NRG3: variants seen among roughly 807,000 people sequenced by gnomAD.
NRG3 encodes the protein neuregulin 3.
In NRG3, 31 loss-of-function variants were observed where a neutral mutation model predicts 66.9. That is an observed-to-expected ratio of 0.46 (90% CI 0.35 to 0.63). The LOEUF (loss-of-function observed/expected upper bound fraction) is 0.63, where lower values mean the gene tolerates loss of function less well. Among genes scored for constraint, NRG3 ranks in the 20% least tolerant of loss-of-function variants. The pLI is 0.00. For missense variants in NRG3, 910 were observed against 878.9 expected, an observed-to-expected ratio of 1.04 and a Z score of -0.45; for synonymous variants, 393 against 359.4, an observed-to-expected ratio of 1.09 and a Z score of -1.06.
chr10:82,551,617 T>TA (rs397688330), intron 2 of NRG3, among the ~76,000 whole-genome samples: 7 of 151,536 alleles, frequency 4.6e-5, no homozygotes, highest in African/African-American at 1.5e-4. Flanking sequence ...TTTTTTTTTT[T>TA]AAATCAGATA....
intron 2 of NRG3, among the ~76,000 whole-genome samples, chr10:82,591,948 A>C (rs1169654007): frequency 6.6e-6 from 1 of 152,212 alleles, no homozygotes; most frequent in Non-Finnish European, 1.5e-5. Context: ...AGAGAACTCT[A>C]GTTTTTCTCC....
chr10:82,524,512 A>T lies in NRG3; in HGVS notation c.953+165644A>T, dbSNP rs566239301. On this transcript the variant is annotated intron_variant, in intron 2 of 8. Transcript: ENST00000372141. The stretch of plus-strand genomic sequence containing the variant: ...AGTAACTGCAAAATATTAAGTATCT[A>T]TAAAAAGGCCTAGGCATTGTATTAG... 2.0e-5 allele frequency among the ~76,000 whole-genome samples: 3 copies of T among 152,076 alleles called. No individual in the cohort carries two copies. The East Asian group carries it at 5.8e-4, about 29-fold the overall frequency.
chr10:81,947,473 A>G (rs559924400), intron 1 of NRG3, among the ~76,000 whole-genome samples: 1 of 152,262 alleles, frequency 6.6e-6, no homozygotes, highest in African/African-American at 2.4e-5. Flanking sequence ...ATTTTCATGT[A>G]TGGCTGTTCT....
At chr10:82,516,032 T>C (rs1377746869) in intron 2 of NRG3, among the ~76,000 whole-genome samples, 1 of 152,194 alleles carries the variant, frequency 6.6e-6, no homozygotes, top group African/African-American at 2.4e-5. Flanking sequence ...CCATGCAGGT[T>C]GGTCAATAAG....
At chr10:82,876,434 C>G (rs1253872774) in intron 4 of NRG3, among the ~76,000 whole-genome samples, 1 of 151,682 alleles carries the variant, frequency 6.6e-6, no homozygotes, top group Non-Finnish European at 1.5e-5. Flanking sequence ...TCTAAGGAAA[C>G]ATTTTTATGA....
In NRG3 at chr10:82,835,190, G is replaced by C. The variant is rs2062713805; in HGVS notation, c.1028-30221G>C. ...AGAGCAAAGTATGGTCCTGATAAAAGGTTGTGTGAAAATGTTCAGCAAACA... is the reference window on the plus strand; with the variant it reads ...AGAGCAAAGTATGGTCCTGATAAAACGTTGTGTGAAAATGTTCAGCAAACA... On this transcript the variant is annotated intron_variant, in intron 3 of 8. Transcript: ENST00000372141. Among the ~76,000 whole-genome samples, 3 of 152,044 alleles carry C rather than the reference G, an allele frequency of 2.0e-5. No individual in the cohort carries two copies. The South Asian group carries it at 6.2e-4, about 32-fold the overall frequency.
intron 2 of NRG3, among the ~76,000 whole-genome samples, chr10:82,418,607 A>G (rs2136217638): frequency 1.3e-5 from 2 of 152,094 alleles, no homozygotes; most frequent in Middle Eastern, 6.8e-3. Flanking sequence ...ACTTTTATTT[A>G]TTTATTTATT....
chr10:82,739,628 C>T (rs2058324127), intron 3 of NRG3, among the ~76,000 whole-genome samples: 1 of 152,188 alleles, frequency 6.6e-6, no homozygotes, highest in South Asian at 2.1e-4. Flanking sequence ...TTTCTAGCTA[C>T]ATTTACTCAA....
At chr10:82,103,951 A>T (rs1017026368) in intron 1 of NRG3, among the ~76,000 whole-genome samples, 5 of 150,904 alleles carry the variant, frequency 3.3e-5, no homozygotes, top group Admixed American at 1.3e-4. Flanking sequence ...CCAGCGATCT[A>T]CTAGAAAGAT....
chr10:82,397,318 G>C (rs2086777496), intron 2 of NRG3, among the ~76,000 whole-genome samples: 2 of 152,156 alleles, frequency 1.3e-5, no homozygotes, highest in East Asian at 1.9e-4. Context: ...GGAAGAAAAA[G>C]GTGCTCCCAA....
At chr10:82,750,049 C>G (rs559333283) in intron 3 of NRG3, among the ~76,000 whole-genome samples, 1 of 152,262 alleles carries the variant, frequency 6.6e-6, no homozygotes, top group Admixed American at 6.5e-5. Context: ...AAACCATAAT[C>G]ATTTTCAACT....
rs2079236288 is a variant in NRG3 at position 82,283,503 on chromosome 10, A to G, written c.824-75236A>G. Among the ~76,000 whole-genome samples the G allele has an allele frequency of 2.0e-5, 3 of 152,348 alleles. 1 individual carries two copies. Among genetic ancestry groups the G allele is most frequent in the Admixed American group, 2.0e-4 (3 of 15,308 alleles). ...TTTTGTCAAATATAGTTCAACCTAT[A>G]TATAGCCAGTTAGGAGCAAAGGTGT... On this transcript the variant is annotated intron_variant, in intron 1 of 8. Transcript: ENST00000372141.
At chr10:82,764,525 G>A (rs1490763362) in intron 3 of NRG3, among the ~76,000 whole-genome samples, 1 of 151,782 alleles carries the variant, frequency 6.6e-6, no homozygotes, top group East Asian at 1.9e-4. Context: ...GCCACGCCTG[G>A]CTAATTTTTG....
intron 3 of NRG3, among the ~76,000 whole-genome samples, chr10:82,744,717 C>A (rs482195): frequency 0.67 from 101,466 of 151,986 alleles, 34,918 homozygotes; most frequent in Non-Finnish European, 0.75. Context: ...CATTCAAAAT[C>A]TTATTAATAG....
intron 1 of NRG3, among the ~76,000 whole-genome samples, chr10:82,350,088 A>G (rs1282339242): frequency 6.6e-6 from 1 of 152,104 alleles, no homozygotes; most frequent in Non-Finnish European, 1.5e-5. Context: ...TGGCTCCTCA[A>G]AAAAACTGCT....
chr10:82,802,559 A>G (rs1174321994), intron 3 of NRG3, among the ~76,000 whole-genome samples: 5 of 152,210 alleles, frequency 3.3e-5, no homozygotes, highest in African/African-American at 1.2e-4. Context: ...ACAAAAATAT[A>G]TCTTTCAAAT....
intron 2 of NRG3, among the ~76,000 whole-genome samples, chr10:82,466,584 TGG>T (rs1385545106): frequency 2.0e-5 from 3 of 152,188 alleles, no homozygotes; most frequent in Middle Eastern, 6.8e-3. Flanking sequence ...GGAAGAAGAC[TGG>T]TAAATAAGCA....
At chr10:82,324,773 G>A (rs955695187) in intron 1 of NRG3, among the ~76,000 whole-genome samples, 4 of 152,166 alleles carry the variant, frequency 2.6e-5, no homozygotes, top group Admixed American at 6.5e-5. Flanking sequence ...CAGAGCACAT[G>A]CATTGTATGA....
chr10:82,411,902 CAT>C (rs2088123578), intron 2 of NRG3, among the ~76,000 whole-genome samples: 1 of 151,992 alleles, frequency 6.6e-6, no homozygotes, highest in African/African-American at 2.4e-5. Flanking sequence ...GAAAGTTAAA[CAT>C]GTGGCTGAGA....
Sources: allele counts gnomAD v4.1 joint callset (sites outside exome capture counted in the v4.1 genomes callset), GRCh38; gene constraint gnomAD v4.1.1; transcripts MANE v1.5; gene names NCBI Gene and HGNC (gene_info 2026-07-23, HGNC 2026-07-21).